Variants in SLC9B1 observed in about 807,000 individuals in gnomAD.
SLC9B1 encodes the protein sodium/hydrogen exchanger 9B1.
In SLC9B1, 32 loss-of-function variants were observed where a neutral mutation model predicts 51.7. The ratio of observed to expected loss-of-function variants is 0.62; its 90% confidence interval spans 0.47 to 0.83. SLC9B1 has a LOEUF of 0.83. Among genes scored for constraint, SLC9B1 ranks in the 40% least tolerant of loss-of-function variants. The pLI is 0.00. For synonymous variants in SLC9B1, 145 were observed against 212.7 expected, an observed-to-expected ratio of 0.68 and a Z score of 2.77; for missense variants, 406 against 613.2, an observed-to-expected ratio of 0.66 and a Z score of 3.57.
At chr4:102,903,900 C>T (rs369166121) in intron 11 of SLC9B1, among the ~76,000 whole-genome samples, 5 of 150,868 alleles carry the variant, frequency 3.3e-5, no homozygotes, top group South Asian at 4.2e-4. Context: ...CCTGTCCTTA[C>T]GTAGTCTATC....
chr4:102,941,562 C>G (rs1434746389), intron 6 of SLC9B1: 4 of 444,626 alleles, frequency 9.0e-6, no homozygotes, highest in Non-Finnish European at 1.8e-5. Context: ...ATTGCTTGAA[C>G]CTGGGAGGCA....
chr4:102,975,586 A>ATTTTTTTTTTTT lies in SLC9B1; in HGVS notation c.211+14202_211+14213dup, dbSNP rs1197166005. Among the ~76,000 whole-genome samples the ATTTTTTTTTTTT allele has an allele frequency of 1.0e-3, 63 of 62,304 alleles. 3 individuals carry two copies. Among genetic ancestry groups the ATTTTTTTTTTTT allele is most frequent in the South Asian group, 2.9e-3 (4 of 1,392 alleles). 40.9% of individuals were successfully genotyped at this position (62,304 alleles called of 152,430 possible). Reference sequence around the variant, plus strand: ...TATACATATATATATATATATATATATTTTTTTTTTTTTTTTTTTTTTTGA... The same window carrying ATTTTTTTTTTTT: ...TATACATATATATATATATATATATATTTTTTTTTTTTTTTTTTTTTTTTTTTTTTTTTTTGA... On this transcript the variant is annotated intron_variant, in intron 3 of 11. Transcript: ENST00000296422.
At chr4:102,953,805 T>A (rs1252938366) in intron 3 of SLC9B1, among the ~76,000 whole-genome samples, 1 of 27,890 alleles carries the variant, frequency 3.6e-5, no homozygotes, top group African/African-American at 3.7e-4. Context: ...TGCTTGTGAT[T>A]TTTGTACATT....
chr4:102,946,268 T>C (rs1737261885), intron 5 of SLC9B1, among the ~76,000 whole-genome samples: 1 of 152,166 alleles, frequency 6.6e-6, no homozygotes, highest in South Asian at 2.1e-4. Flanking sequence ...TGCCAATATT[T>C]CTATACAGTC....
chr4:102,948,538 T>C (rs1484311776), intron 4 of SLC9B1, among the ~76,000 whole-genome samples: 6 of 152,326 alleles, frequency 3.9e-5, no homozygotes, highest in Middle Eastern at 3.4e-3. Context: ...CATATGTTCA[T>C]TGTAGCACTA....
At chr4:103,015,783 C>T (rs1741284661) in intron 1 of SLC9B1, among the ~76,000 whole-genome samples, 2 of 152,104 alleles carry the variant, frequency 1.3e-5, no homozygotes, top group African/African-American at 4.8e-5. Context: ...ACTGAATCTA[C>T]CCATCTATCT....
At chr4:102,998,790 G>A (rs1740362752) in intron 1 of SLC9B1, among the ~76,000 whole-genome samples, 1 of 152,132 alleles carries the variant, frequency 6.6e-6, no homozygotes, top group Admixed American at 6.5e-5. Context: ...ATGAGGTTGA[G>A]TATCTTTTCA....
intron 11 of SLC9B1, among the ~76,000 whole-genome samples, chr4:102,905,244 A>T (rs1339479841): frequency 5.7e-5 from 3 of 52,344 alleles, no homozygotes; most frequent in Non-Finnish European, 1.1e-4. Flanking sequence ...TTTTTTTGAG[A>T]TGGAGTCACT....
intron 7 of SLC9B1, among the ~76,000 whole-genome samples, chr4:102,922,502 T>A (rs943928411): frequency 2.6e-5 from 4 of 152,020 alleles, no homozygotes; most frequent in Non-Finnish European, 5.9e-5. Context: ...TTAAAAGAAC[T>A]AGAGAAGCAA....
Position 102,949,365 on chromosome 4 carries a change from C to T in SLC9B1, c.274G>A (p.Gly92Ser). The change falls in exon 4 of 12, where the codon GGT (glycine) becomes AGT (serine). Residue 92 changes from glycine (G) to serine (S), a missense_variant. Around this residue, in one of 6 missense-constraint regions of SLC9B1, gnomAD observed 250 missense variants for 394.1 expected, o/e 0.63. Transcript: ENST00000296422. ...WSILGSEALP[G>S]GNLFGLFIIF... ...ATGAACAACCCAAATAAATTTCCACCAGGGAGAGCTTCAGAGCCTAAGATT... is the reference window on the plus strand; with the variant it reads ...ATGAACAACCCAAATAAATTTCCACTAGGGAGAGCTTCAGAGCCTAAGATT... 1.2e-6 allele frequency: 2 copies of T among 1,610,510 alleles called. No individual in the cohort carries two copies. The highest frequency in any genetic ancestry group is 1.1e-5 in the South Asian group (1 of 90,686).
chr4:102,943,359 G>GA (rs1406299215), intron 6 of SLC9B1, among the ~76,000 whole-genome samples: 1 of 151,952 alleles, frequency 6.6e-6, no homozygotes, highest in South Asian at 2.1e-4. Context: ...GTCATTATAT[G>GA]AAAAAAACAC....
chr4:103,009,078 G>A lies in SLC9B1; in HGVS notation c.-2+10521C>T, dbSNP rs1393557508. ...CTCCCAAAGTACTGGGATTACAGGT[G>A]TGAGCCACTGCGCCTGGCCAGGCTT... On this transcript the variant is annotated intron_variant, in intron 1 of 11. Transcript: ENST00000296422. Among the ~76,000 whole-genome samples the A allele has an allele frequency of 2.6e-5, 4 of 152,184 alleles. 1 individual carries two copies. Among genetic ancestry groups the A allele is most frequent in the South Asian group, 4.1e-4 (2 of 4,828 alleles).
At chr4:102,918,460 G>T (rs1355321694) in intron 7 of SLC9B1, among the ~76,000 whole-genome samples, 1 of 152,176 alleles carries the variant, frequency 6.6e-6, no homozygotes, top group Admixed American at 6.5e-5. Flanking sequence ...AATATATACA[G>T]AACAACAACT....
chr4:103,015,044 C>A (rs1741249739), intron 1 of SLC9B1: 1 of 152,088 alleles, frequency 6.6e-6, no homozygotes, highest in Non-Finnish European at 1.5e-5. Flanking sequence ...CAGATCAAGT[C>A]TCCTTATGAC....
chr4:102,995,896 C>T lies in SLC9B1; in HGVS notation c.-1-4184G>A, dbSNP rs540087534. 2.0e-5 allele frequency among the ~76,000 whole-genome samples: 3 copies of T among 152,188 alleles called. No individual in the cohort carries two copies. The East Asian group carries it at 5.8e-4, about 29-fold the overall frequency. On this transcript the variant is annotated intron_variant, in intron 1 of 11. Coordinates refer to ENST00000296422, the MANE Select transcript of SLC9B1 (RefSeq NM_139173.4). ...TTAAGCACTTAACATGAATCATCTTCCTCAATTCTCTCAACAACTCTATGA... is the reference window on the plus strand; with the variant it reads ...TTAAGCACTTAACATGAATCATCTTTCTCAATTCTCTCAACAACTCTATGA...
chr4:102,973,993 T>C (rs987349111), intron 3 of SLC9B1, among the ~76,000 whole-genome samples: 1 of 152,026 alleles, frequency 6.6e-6, no homozygotes, highest in African/African-American at 2.4e-5. Context: ...CCCAGCACTT[T>C]GGGAGGTCAA....
intron 3 of SLC9B1, among the ~76,000 whole-genome samples, chr4:102,981,698 G>A (rs535627745): frequency 6.6e-6 from 1 of 152,096 alleles, no homozygotes; most frequent in South Asian, 2.1e-4. Context: ...TTTTTAATCT[G>A]GTTGTTTGTT....
At chr4:102,930,153 T>C (rs1736378916) in intron 7 of SLC9B1, among the ~76,000 whole-genome samples, 1 of 152,164 alleles carries the variant, frequency 6.6e-6, no homozygotes, top group Admixed American at 6.5e-5. Flanking sequence ...AGCACTAGTA[T>C]TCAAAATACT....
intron 1 of SLC9B1, among the ~76,000 whole-genome samples, chr4:102,996,260 T>C (rs1740209434): frequency 6.6e-6 from 1 of 152,228 alleles, no homozygotes; most frequent in Non-Finnish European, 1.5e-5. Context: ...ACTGATTTGT[T>C]GGAGTTCTTT....
Sources: allele counts gnomAD v4.1 joint callset (sites outside exome capture counted in the v4.1 genomes callset), GRCh38; gene constraint gnomAD v4.1.1; regional missense constraint gnomAD v4.1.1; transcripts MANE v1.5; gene names NCBI Gene and HGNC (gene_info 2026-07-23, HGNC 2026-07-21).